Variants in CENPP observed in about 807,000 individuals in gnomAD.
The protein encoded by CENPP is centromere protein P.
A neutral mutation model predicts 35.6 loss-of-function variants in CENPP; 24 were observed. The ratio of observed to expected loss-of-function variants is 0.67; its 90% CI spans 0.49 to 0.95. CENPP has a LOEUF of 0.95. Among genes scored for constraint, CENPP ranks in the 40% least tolerant of loss-of-function variants. The pLI is 0.00. For missense variants in CENPP, 332 were observed against 345.3 expected (o/e 0.96, Z 0.31); for synonymous variants, 120 against 125.5 (o/e 0.96, Z 0.29).
intron 5 of CENPP, among the ~76,000 whole-genome samples, chr9:92,463,898 T>C (rs1027292570): frequency 2.6e-5 from 4 of 152,240 alleles, no homozygotes; most frequent in Admixed American, 6.5e-5. Context: ...AGATGATCTT[T>C]AGGTGACCTA....
chr9:92,466,551 G>A (rs757082299), intron 5 of CENPP: 7 of 1,613,898 alleles, frequency 4.3e-6, no homozygotes, highest in Admixed American at 3.3e-5. Flanking sequence ...TCGTTAGCTT[G>A]TTGTTGTTCA....
At chr9:92,605,943 T>C (rs1008082923) in intron 5 of CENPP, among the ~76,000 whole-genome samples, 8 of 152,042 alleles carry the variant, frequency 5.3e-5, no homozygotes, top group African/African-American at 1.9e-4. Context: ...TACAATTCAA[T>C]AACTAAAAGA....
chr9:92,426,801 G>A (rs899575984), intron 5 of CENPP, among the ~76,000 whole-genome samples: 4 of 152,170 alleles, frequency 2.6e-5, no homozygotes, highest in African/African-American at 9.7e-5. Context: ...CTCATATTTA[G>A]CTTAATATAG....
chr9:92,361,908 G>A (rs1365182059), intron 4 of CENPP, among the ~76,000 whole-genome samples: 2 of 151,918 alleles, frequency 1.3e-5, no homozygotes, highest in Non-Finnish European at 2.9e-5. Context: ...TTTCTTAGTT[G>A]ATCTCATAAT....
At chr9:92,556,651 A>G (rs1849729407) in intron 5 of CENPP, among the ~76,000 whole-genome samples, 1 of 152,126 alleles carries the variant, frequency 6.6e-6, no homozygotes, top group Non-Finnish European at 1.5e-5. Flanking sequence ...AAGAATAGCT[A>G]CCCCTGCTCA....
At chr9:92,460,400 G>T in intron 5 of CENPP, 1 of 886,168 alleles carries the variant, frequency 1.1e-6, no homozygotes, top group Non-Finnish European at 1.8e-6. Flanking sequence ...TAAACAGACA[G>T]TGATCTCTAC....
intron 5 of CENPP, chr9:92,403,599 G>C (rs181346547): frequency 1.2e-5 from 15 of 1,221,196 alleles, no homozygotes; most frequent in Non-Finnish European, 1.5e-5. Flanking sequence ...TCTTTAATTA[G>C]ATGCTAGCAG....
intron 5 of CENPP, among the ~76,000 whole-genome samples, chr9:92,418,008 G>A (rs1367546711): frequency 6.6e-6 from 1 of 152,142 alleles, no homozygotes; most frequent in African/African-American, 2.4e-5. Context: ...GATTACAGGT[G>A]TGAGCCACCA....
At chr9:92,488,750 A>G (rs908862175) in intron 5 of CENPP, among the ~76,000 whole-genome samples, 2 of 152,234 alleles carry the variant, frequency 1.3e-5, no homozygotes, top group African/African-American at 4.8e-5. Flanking sequence ...GCTTATATCA[A>G]TTGATAGTTT....
At chr9:92,611,278 A>G (rs370860434) in intron 5 of CENPP, 36 bp from the exon 6 acceptor site, 3 of 1,552,316 alleles carry the variant, frequency 1.9e-6, no homozygotes, top group Non-Finnish European at 2.7e-6. Context: ...TCTCCCCACC[A>G]GTGGATCTGT....
In CENPP at chr9:92,593,722, A is replaced by G. The variant is rs1850714571; in HGVS notation, c.565-17592A>G. ...GCTGGTTTATGTGGTCTGTGGCCAG[A>G]CTACAAGGCGAGTGTTATTTTGGGA... On this transcript the variant is annotated intron_variant, in intron 5 of 7. Transcript: ENST00000375587. The surrounding 1 kb of genome is among the most constrained non-coding windows in gnomAD (Gnocchi z 4.1). Among the ~76,000 whole-genome samples, 1 of 152,214 alleles carries G rather than the reference A, an allele frequency of 6.6e-6. No individual in the cohort carries two copies. The highest frequency in any genetic ancestry group is 2.1e-4 in the South Asian group (1 of 4,832).
chr9:92,535,593 T>G (rs1159336628), intron 5 of CENPP, among the ~76,000 whole-genome samples: 1 of 152,160 alleles, frequency 6.6e-6, no homozygotes, highest in Admixed American at 6.5e-5. Flanking sequence ...TTATCTATTT[T>G]CACTTCATTC....
intron 5 of CENPP, among the ~76,000 whole-genome samples, chr9:92,416,147 C>G (rs1385680046): frequency 6.8e-6 from 1 of 147,800 alleles, no homozygotes; most frequent in Admixed American, 6.9e-5. Flanking sequence ...TCATCCAGGC[C>G]AGAAAGCAGT....
In CENPP at chr9:92,500,831, A is replaced by G. The variant is rs186648835; in HGVS notation, c.565-110483A>G. On this transcript the variant is annotated intron_variant, in intron 5 of 7. Coordinates refer to ENST00000375587, the MANE Select transcript of CENPP (RefSeq NM_001012267.3). ...TGTGATCCAGAAATAATTCTCTCAG[A>G]GAATGATATGCCCCATAGAAGGAGA... 1.9e-6 allele frequency: 3 copies of G among 1,614,234 alleles called. No individual in the cohort carries two copies. In the East Asian group the frequency reaches 6.7e-5, roughly 36 times the overall value.
intron 5 of CENPP, among the ~76,000 whole-genome samples, chr9:92,506,669 A>T (rs1172809107): frequency 6.6e-6 from 1 of 152,198 alleles, no homozygotes; most frequent in Non-Finnish European, 1.5e-5. Flanking sequence ...TAAAAGAAGA[A>T]AAAGCAGTGT....
intron 5 of CENPP, among the ~76,000 whole-genome samples, chr9:92,486,114 G>A (rs1289293112): frequency 6.6e-6 from 1 of 152,134 alleles, no homozygotes; most frequent in African/African-American, 2.4e-5. Context: ...GGTGTCAAGG[G>A]TGCCCTCCCT....
In CENPP at chr9:92,378,102, G is replaced by A. The variant is rs548626349; in HGVS notation, c.468-1661G>A. Among the ~76,000 whole-genome samples the A allele has an allele frequency of 2.6e-5, 4 of 152,260 alleles. No individual in the cohort carries two copies. In the East Asian group the frequency reaches 7.7e-4, roughly 29 times the overall value. On this transcript the variant is annotated intron_variant, in intron 4 of 7. Transcript: ENST00000375587. ...TTATGTTTGCTTGGTGTCAGTTGGG[G>A]CTAGCTGACAAAGCTTCCTCTCTCA...
chr9:92,450,839 A>C (rs1844687250), intron 5 of CENPP, among the ~76,000 whole-genome samples: 1 of 152,118 alleles, frequency 6.6e-6, no homozygotes, highest in East Asian at 1.9e-4. Flanking sequence ...CATTTCTCTG[A>C]TGGTCAGTGA....
Position 92,619,458 on chromosome 9 carries a change from G to C in CENPP, c.*6309G>C, listed in dbSNP as rs751093223. ...GTCCATAAAACCCCGTTAGACCCAG[G>C]CTGCATGCCTTGCAGTGGGGGCCTC... On this transcript the variant is annotated 3_prime_UTR_variant, in exon 8 of 8. Transcript: ENST00000375587. 1 of 1,546,192 alleles carries C rather than the reference G, an allele frequency of 6.5e-7. No homozygotes were observed. Among genetic ancestry groups the C allele is most frequent in the Admixed American group, 1.9e-5 (1 of 51,916 alleles).
Sources: allele counts gnomAD v4.1 joint callset (sites outside exome capture counted in the v4.1 genomes callset), GRCh38; gene constraint gnomAD v4.1.1; non-coding constraint Gnocchi (gnomAD v3.1); transcripts MANE v1.5; gene names NCBI Gene and HGNC (gene_info 2026-07-23, HGNC 2026-07-21).